Variants in RASGEF1A observed in about 807,000 individuals in gnomAD.
RASGEF1A encodes the protein ras-GEF domain-containing family member 1A.
A neutral mutation model predicts 56.4 loss-of-function variants in RASGEF1A; 18 were observed. The observed-to-expected ratio is 0.32, with a 90% CI of 0.22 to 0.47. The LOEUF (loss-of-function observed/expected upper bound fraction) is 0.47, where lower values mean the gene tolerates loss of function less well. Ranked by LOEUF, RASGEF1A falls within the 20% of genes least tolerant of loss-of-function variation. The pLI, the probability that RASGEF1A is intolerant of heterozygous loss-of-function variation, is 1.00. For missense variants in RASGEF1A, 422 were observed against 627.1 expected, an observed-to-expected ratio of 0.67 and a Z score of 3.49; for synonymous variants, 245 against 242.6, an observed-to-expected ratio of 1.01 and a Z score of -0.09.
intron 1 of RASGEF1A, among the ~76,000 whole-genome samples, chr10:43,262,495 G>A (rs1879307): frequency 0.12 from 18,498 of 152,182 alleles, 1,932 homozygotes; most frequent in East Asian, 0.52. Context: ...TGGCGTGGGT[G>A]CAGCAACGTG....
chr10:43,259,574 C>A (rs998318474), intron 1 of RASGEF1A, among the ~76,000 whole-genome samples: 1 of 152,230 alleles, frequency 6.6e-6, no homozygotes, highest in African/African-American at 2.4e-5. Flanking sequence ...CTGCATGGTG[C>A]TTGTCCTTCC....
At chr10:43,248,364 TA>T (rs34561814) in intron 1 of RASGEF1A, among the ~76,000 whole-genome samples, 75,232 of 111,376 alleles carry the variant, frequency 0.68, 24,759 homozygotes, top group East Asian at 0.91. Context: ...ACTCGGTCTT[TA>T]AAAAAAAAAA....
In RASGEF1A at chr10:43,200,912, G is replaced by A. The variant is rs773607373; in HGVS notation, c.460-24C>T. On this transcript the variant is annotated intron_variant, in intron 4 of 12. Transcript: ENST00000395810. ...TCCTGTGGGGTCAAGGGCAATAAGG[G>A]TGCCAGCATGGGCTGGCAGCAAGGC... 3.1e-6 allele frequency: 5 copies of A among 1,598,522 alleles called. No individual in the cohort carries two copies. The South Asian group carries it at 4.4e-5, about 14-fold the overall frequency.
chr10:43,234,791 C>T lies in RASGEF1A; in HGVS notation c.-6-28669G>A, dbSNP rs76694958. Among the ~76,000 whole-genome samples the T allele has an allele frequency of 5.1e-4, 78 of 152,330 alleles. No homozygotes were observed. In the East Asian group the frequency reaches 0.013, roughly 26 times the overall value. ...AATTCACAAGGGTGCTGGCAAAACA[C>T]GAAGCAAAATGAACCAAGCCCTCAG... On this transcript the variant is annotated intron_variant, in intron 1 of 12. Coordinates refer to ENST00000395810, the MANE Select transcript of RASGEF1A (RefSeq NM_145313.4).
intron 1 of RASGEF1A, among the ~76,000 whole-genome samples, chr10:43,219,323 G>A (rs895141343): frequency 3.3e-5 from 5 of 152,210 alleles, no homozygotes; most frequent in East Asian, 1.9e-4. Context: ...GCAAACTCAC[G>A]CAACCTTGGT....
At chr10:43,239,529 A>G (rs1425228871) in intron 1 of RASGEF1A, among the ~76,000 whole-genome samples, 1 of 152,256 alleles carries the variant, frequency 6.6e-6, no homozygotes, top group Non-Finnish European at 1.5e-5. Context: ...GGATTTATTC[A>G]AAAAACATAA....
At chr10:43,259,500 A>G (rs1192194183) in intron 1 of RASGEF1A, among the ~76,000 whole-genome samples, 1 of 152,172 alleles carries the variant, frequency 6.6e-6, no homozygotes, top group Non-Finnish European at 1.5e-5. Context: ...GACACTCCGG[A>G]GTCCCCATGG....
At chr10:43,210,237 C>T (rs556332569) in intron 1 of RASGEF1A, among the ~76,000 whole-genome samples, 8 of 152,086 alleles carry the variant, frequency 5.3e-5, no homozygotes, top group African/African-American at 1.7e-4. Flanking sequence ...TTTGAGAGGC[C>T]GAGGTGGATG....
intron 1 of RASGEF1A, among the ~76,000 whole-genome samples, chr10:43,264,851 C>T (rs2133234390): frequency 6.6e-6 from 1 of 152,282 alleles, no homozygotes; most frequent in Non-Finnish European, 1.5e-5. Flanking sequence ...ACCCCCTGCC[C>T]CCATCCCTGC....
intron 1 of RASGEF1A, among the ~76,000 whole-genome samples, chr10:43,234,911 C>T (rs560590887): frequency 2.6e-5 from 4 of 152,326 alleles, no homozygotes; most frequent in South Asian, 2.1e-4. Flanking sequence ...CACACAGCCA[C>T]GGTCTGCAGA....
chr10:43,240,209 A>C (rs1385606273), intron 1 of RASGEF1A, among the ~76,000 whole-genome samples: 1 of 152,226 alleles, frequency 6.6e-6, no homozygotes, highest in African/African-American at 2.4e-5. Flanking sequence ...GCACTTATGA[A>C]AATTTCTTTC....
Position 43,219,829 on chromosome 10 carries a change from C to T in RASGEF1A, c.-6-13707G>A, listed in dbSNP as rs765793476. ...TTTACTTTTAAATGATAACTAATTA[C>T]GCTGAGCAAAGATTTTTCCTTTGTG... On this transcript the variant is annotated intron_variant, in intron 1 of 12. Coordinates refer to ENST00000395810, the MANE Select transcript of RASGEF1A (RefSeq NM_145313.4). 2.6e-5 allele frequency among the ~76,000 whole-genome samples: 4 copies of T among 152,236 alleles called. No individual in the cohort carries two copies. The East Asian group carries it at 5.8e-4, about 22-fold the overall frequency.
rs1839769581 is a variant in RASGEF1A, at chr10:43,194,596, G to C, written c.*1648C>G. The C allele has an allele frequency of 6.6e-6, 1 of 152,248 alleles. No homozygotes were observed. Among genetic ancestry groups the C allele is most frequent in the Admixed American group, 6.5e-5 (1 of 15,286 alleles). The allele number at this position is 152,248 out of a possible 1,614,324, so 9.4% of individuals were successfully genotyped here. The stretch of plus-strand genomic sequence containing the variant: ...CCAGTCACACCAAAACTGACGTCCT[G>C]CATTATGGTACAGCTTCATACTCAG... On this transcript the variant is annotated 3_prime_UTR_variant, in exon 13 of 13. Transcript: ENST00000395810.
chr10:43,236,859 A>C (rs1348423652), intron 1 of RASGEF1A, among the ~76,000 whole-genome samples: 1 of 152,102 alleles, frequency 6.6e-6, no homozygotes, highest in Non-Finnish European at 1.5e-5. Flanking sequence ...ACCTGAGATC[A>C]CCTGGTGTGT....
intron 1 of RASGEF1A, chr10:43,229,629 A>G: frequency 6.7e-7 from 1 of 1,493,796 alleles, no homozygotes; most frequent in Admixed American, 2.1e-5. Context: ...GGCCCGCCGC[A>G]GCCCTACCTG....
chr10:43,214,239 C>T (rs1287174987), intron 1 of RASGEF1A, among the ~76,000 whole-genome samples: 5 of 152,154 alleles, frequency 3.3e-5, no homozygotes, highest in Admixed American at 2.0e-4. Flanking sequence ...CTGTGCGTGT[C>T]GTCTTCCCGT....
At chr10:43,199,311 C>T (rs1002612656) in intron 7 of RASGEF1A, 117 bp from the exon 8 acceptor site, 2 of 777,244 alleles carry the variant, frequency 2.6e-6, no homozygotes, top group Admixed American at 2.0e-5. Flanking sequence ...CTGGCCACAG[C>T]GGGCTGATCC....
intron 1 of RASGEF1A, among the ~76,000 whole-genome samples, chr10:43,237,621 C>T (rs373563940): frequency 1.3e-5 from 2 of 152,286 alleles, no homozygotes; most frequent in South Asian, 4.1e-4. Flanking sequence ...CTGCCTCCTC[C>T]CTCCAGTCCC....
chr10:43,237,454 TCCC>T (rs558900712), intron 1 of RASGEF1A, among the ~76,000 whole-genome samples: 1 of 29,762 alleles, frequency 3.4e-5, no homozygotes, highest in African/African-American at 1.5e-4. Context: ...TCCCCTCCCC[TCCC>T]CCCCACCTCC....
Sources: allele counts gnomAD v4.1 joint callset (sites outside exome capture counted in the v4.1 genomes callset), GRCh38; gene constraint gnomAD v4.1.1; transcripts MANE v1.5; gene names NCBI Gene and HGNC (gene_info 2026-07-23, HGNC 2026-07-21).